TRPC7: variants seen among roughly 807,000 people sequenced by gnomAD.
TRPC7 encodes the protein short transient receptor potential channel 7.
Under a neutral mutation model 90.1 loss-of-function variants are expected in TRPC7, and 42 were observed. The ratio of observed to expected loss-of-function variants is 0.47; its 90% CI spans 0.36 to 0.60. The LOEUF is 0.60. Ranked by LOEUF, TRPC7 falls within the 20% of genes least tolerant of loss-of-function variation. The pLI, the probability that TRPC7 is intolerant of heterozygous loss-of-function variation, is 0.00. For missense variants in TRPC7, 955 were observed against 1,112.3 expected (o/e 0.86, Z 2.01); for synonymous variants, 451 against 436.3 (o/e 1.03, Z -0.42).
At chr5:136,256,121 A>G (rs780959273) in intron 5 of TRPC7, among the ~76,000 whole-genome samples, 1 of 152,066 alleles carries the variant, frequency 6.6e-6, no homozygotes, top group East Asian at 1.9e-4. Flanking sequence ...GTGACCACAC[A>G]CTCCCTAGAG....
At chr5:136,318,385 A>G (rs529459372) in intron 2 of TRPC7, among the ~76,000 whole-genome samples, 10 of 152,246 alleles carry the variant, frequency 6.6e-5, no homozygotes, top group South Asian at 4.1e-4. Flanking sequence ...AAACGCCACA[A>G]TGGAAGGCTG....
At chr5:136,289,780 C>T (rs1381352374) in intron 3 of TRPC7, among the ~76,000 whole-genome samples, 1 of 152,236 alleles carries the variant, frequency 6.6e-6, no homozygotes, top group African/African-American at 2.4e-5. Flanking sequence ...TGTCTGACAG[C>T]TTTGAAGAGA....
intron 7 of TRPC7, among the ~76,000 whole-genome samples, chr5:136,237,191 C>T (rs1234890317): frequency 2.6e-5 from 4 of 152,122 alleles, no homozygotes; most frequent in East Asian, 1.9e-4. Context: ...TTCTGTCCTC[C>T]GAATCACCTC....
intron 5 of TRPC7, among the ~76,000 whole-genome samples, chr5:136,264,012 G>A (rs1756945963): frequency 6.6e-6 from 1 of 152,040 alleles, no homozygotes; most frequent in South Asian, 2.1e-4. Context: ...ACATTCTCTA[G>A]GAAAGAAAAA....
chr5:136,301,353 TTTTTTTTA>T (rs1222278596), intron 3 of TRPC7, among the ~76,000 whole-genome samples: 2 of 125,696 alleles, frequency 1.6e-5, no homozygotes, highest in Non-Finnish European at 3.4e-5. Flanking sequence ...TTTTTTTTTT[TTTTTTTTA>T]ACAAATCATA....
chr5:136,251,550 G>C, intron 6 of TRPC7, 99 bp downstream of exon 6: 1 of 980,186 alleles, frequency 1.0e-6, no homozygotes, highest in South Asian at 1.6e-5. Flanking sequence ...TGGGCCACTT[G>C]ATTACAAATA....
At chr5:136,346,536 C>T (rs2149855427) in intron 2 of TRPC7, among the ~76,000 whole-genome samples, 1 of 152,142 alleles carries the variant, frequency 6.6e-6, no homozygotes, top group African/African-American at 2.4e-5. Flanking sequence ...ACCATGTACA[C>T]ATACAACACA....
intron 1 of TRPC7, among the ~76,000 whole-genome samples, chr5:136,362,919 T>G (rs1242611502): frequency 6.6e-6 from 1 of 152,172 alleles, no homozygotes; most frequent in Non-Finnish European, 1.5e-5. Context: ...TCAACTTAAT[T>G]CATTCCTAAA....
chr5:136,365,300 T>C lies in TRPC7; in HGVS notation c.-46A>G. 1 of 1,536,724 alleles carries C rather than the reference T, an allele frequency of 6.5e-7. No individual in the cohort carries two copies. Among genetic ancestry groups the C allele is most frequent in the South Asian group, 1.2e-5 (1 of 84,038 alleles). ...TTGTTCCTCCTCTAGATGACCGGAA[T>C]CCGGTGTTGAGTCGCCAGAAGCTGG... is the stretch of plus-strand genomic sequence containing the variant. On this transcript the variant is annotated 5_prime_UTR_variant, in exon 1 of 12. Coordinates refer to ENST00000513104, the MANE Select transcript of TRPC7 (RefSeq NM_020389.3).
chr5:136,342,296 G>C (rs577555067), intron 2 of TRPC7, among the ~76,000 whole-genome samples: 3 of 152,226 alleles, frequency 2.0e-5, no homozygotes, highest in Admixed American at 6.5e-5. Context: ...CCATCCTGGA[G>C]AGCTGGCCAA....
rs1756364960 is a variant in TRPC7, at chr5:136,247,067, C to T, written c.1844+404G>A. On this transcript the variant is annotated intron_variant, in intron 7 of 11. Coordinates refer to ENST00000513104, the MANE Select transcript of TRPC7 (RefSeq NM_020389.3). This position sits in a 1 kb window ranked among gnomAD's most constrained non-coding sequence, Gnocchi z 4.2. ...CTCGCTTTTATTATTATTTTCACAT[C>T]ACTCTAGTCTATCAACTTTGGAAAC... 6.6e-6 allele frequency among the ~76,000 whole-genome samples: 1 copy of T among 152,160 alleles called. No homozygotes were observed. The highest frequency in any genetic ancestry group is 2.4e-5 in the African/African-American group (1 of 41,450).
At chr5:136,341,283 A>G (rs1759836841) in intron 2 of TRPC7, among the ~76,000 whole-genome samples, 1 of 152,150 alleles carries the variant, frequency 6.6e-6, no homozygotes, top group Non-Finnish European at 1.5e-5. Context: ...GTGGAACACT[A>G]CAGCTATTGG....
chr5:136,306,902 T>C (rs1258995493), intron 3 of TRPC7, among the ~76,000 whole-genome samples: 1 of 152,220 alleles, frequency 6.6e-6, no homozygotes, highest in African/African-American at 2.4e-5. Context: ...GAACTAATGA[T>C]AATCCACCAC....
rs547364023 is a variant in TRPC7, at chr5:136,219,986, G to A, written c.2344-3711C>T. Among the ~76,000 whole-genome samples the A allele has an allele frequency of 3.9e-5, 6 of 152,320 alleles. No individual in the cohort carries two copies. The South Asian group carries it at 1.2e-3, about 32-fold the overall frequency. ...GGGAACGGCTGGAGCTGCGGCAGAG[G>A]AACATAAATTGTGACGATTTCATGG... On this transcript the variant is annotated intron_variant, in intron 10 of 11. Coordinates refer to ENST00000513104, the MANE Select transcript of TRPC7 (RefSeq NM_020389.3).
intron 7 of TRPC7, among the ~76,000 whole-genome samples, chr5:136,234,001 C>T (rs1652116025): frequency 6.6e-6 from 1 of 152,160 alleles, no homozygotes; most frequent in Non-Finnish European, 1.5e-5. Flanking sequence ...TTACAAATCT[C>T]GAGGCTTTGC....
At chr5:136,340,102 A>T (rs1031764278) in intron 2 of TRPC7, among the ~76,000 whole-genome samples, 4 of 152,228 alleles carry the variant, frequency 2.6e-5, no homozygotes, top group Admixed American at 2.6e-4. Context: ...GGATTAAAAA[A>T]TGTGGTATAT....
intron 2 of TRPC7, among the ~76,000 whole-genome samples, chr5:136,318,917 C>A (rs1156655764): frequency 6.6e-6 from 1 of 152,008 alleles, no homozygotes; most frequent in African/African-American, 2.4e-5. Flanking sequence ...ATGAAATGGT[C>A]TCTTGTCCTT....
chr5:136,225,810 C>T (rs989087701), intron 9 of TRPC7, among the ~76,000 whole-genome samples: 1 of 152,084 alleles, frequency 6.6e-6, no homozygotes, highest in Non-Finnish European at 1.5e-5. Flanking sequence ...CAGCAGGGCA[C>T]CTCTCCAAGG....
intron 2 of TRPC7, among the ~76,000 whole-genome samples, chr5:136,333,419 G>A (rs1561722911): frequency 6.6e-6 from 1 of 152,224 alleles, no homozygotes; most frequent in Admixed American, 6.5e-5. Context: ...CAGAAGACGA[G>A]TTAGGAGAAG....
Sources: allele counts gnomAD v4.1 joint callset (sites outside exome capture counted in the v4.1 genomes callset), GRCh38; gene constraint gnomAD v4.1.1; non-coding constraint Gnocchi (gnomAD v3.1); transcripts MANE v1.5; gene names NCBI Gene and HGNC (gene_info 2026-07-23, HGNC 2026-07-21).